Variants in HSD17B12 observed in about 807,000 individuals in gnomAD.
HSD17B12 encodes the protein hydroxysteroid 17-beta dehydrogenase 12, also known as very-long-chain 3-oxoacyl-CoA reductase.
In HSD17B12, 32 loss-of-function variants were observed where a neutral mutation model predicts 39.3. That is an observed-to-expected ratio of 0.81 (90% CI 0.61 to 1.09). The LOEUF (loss-of-function observed/expected upper bound fraction) is 1.09, where lower values mean the gene tolerates loss of function less well. Among genes scored for constraint, HSD17B12 ranks in the 50% least tolerant of loss-of-function variants. HSD17B12 has a pLI of 0.00. For missense variants in HSD17B12, 342 were observed against 382.9 expected (o/e 0.89, Z 0.89); for synonymous variants, 150 against 146.7 (o/e 1.02, Z -0.16).
In HSD17B12 at chr11:43,855,148, C is replaced by T. The variant is rs11555762; in HGVS notation, c.839C>T (p.Ser280Leu). The change falls in exon 11 of 11, where the codon TCG becomes TTG. Residue 280 changes from serine (S) to leucine (L), a missense_variant. Transcript: ENST00000278353. The part of the protein sequence containing the change: ...NGYLIHALMG[S>L]IISNLPSWIY... ...TCTCTCATTCTGTTTCCCTAGGGCT[C>T]GATAATCTCAAACCTGCCTTCTTGG... is the stretch of plus-strand genomic sequence containing the variant. 497,931 of 1,586,376 alleles carry T rather than the reference C, an allele frequency of 0.31. 80,947 individuals carry two copies. The highest frequency in any genetic ancestry group is 0.48 in the Admixed American group (28,011 of 58,774).
chr11:43,625,829 A>AC, the HSD17B12 span, among the ~76,000 whole-genome samples: 2 of 151,416 alleles, frequency 1.3e-5, no homozygotes, highest in Admixed American at 1.3e-4. Flanking sequence ...TTAAAACCCA[A>AC]CATGATTCTT....
chr11:43,697,395 T>C (rs757668585), intron 1 of HSD17B12, among the ~76,000 whole-genome samples: 1 of 152,218 alleles, frequency 6.6e-6, no homozygotes, highest in South Asian at 2.1e-4. Flanking sequence ...GGTAATAAGA[T>C]GTAATGTTTA....
At chr11:43,654,750 T>G in the HSD17B12 span, among the ~76,000 whole-genome samples, 1 of 152,204 alleles carries the variant, frequency 6.6e-6, no homozygotes, top group African/African-American at 2.4e-5. Context: ...GTTCCATTGG[T>G]TTATATCTCT....
chr11:43,734,357 G>T lies in HSD17B12; in HGVS notation c.161-16554G>T, dbSNP rs1369897882. ...GAGGGCCAGATCTGTGGTGGAAAAG[G>T]CTGAGCAGAGGAAAAAGGCGGCCAT... On this transcript the variant is annotated intron_variant, in intron 1 of 10. Transcript: ENST00000278353. The T allele has an allele frequency of 4.2e-6, 4 of 945,036 alleles. No individual in the cohort carries two copies. The African/African-American group carries it at 4.8e-5, about 11-fold the overall frequency. The allele number at this position is 945,036 out of a possible 1,614,324, so 58.5% of individuals were successfully genotyped here.
In HSD17B12 at chr11:43,837,288, T is replaced by C. The variant is rs147565529; in HGVS notation, c.537-1029T>C. ...CTTTTTTAAGCTAAAAAAATAGGTG[T>C]TGGGAAGTAAATTCAGACAAAGAAC... On this transcript the variant is annotated intron_variant, in intron 7 of 10. Transcript: ENST00000278353. 2.0e-5 allele frequency among the ~76,000 whole-genome samples: 3 copies of C among 152,074 alleles called. No individual in the cohort carries two copies. The South Asian group carries it at 6.2e-4, about 31-fold the overall frequency.
chr11:43,770,157 C>A (rs1362450648), intron 3 of HSD17B12, among the ~76,000 whole-genome samples: 1 of 152,188 alleles, frequency 6.6e-6, no homozygotes, highest in Non-Finnish European at 1.5e-5. Context: ...ATGTCTCAAA[C>A]AGTTACACTA....
upstream of HSD17B12, among the ~76,000 whole-genome samples, chr11:43,679,637 A>G (rs1033401223): frequency 6.6e-6 from 1 of 152,108 alleles, no homozygotes; most frequent in East Asian, 1.9e-4. Flanking sequence ...AGAAAGTAAA[A>G]TTTTCTATCC....
intron 1 of HSD17B12, chr11:43,733,974 C>T (rs1168456726): frequency 2.8e-6 from 2 of 713,304 alleles, no homozygotes; most frequent in Non-Finnish European, 5.2e-6. Flanking sequence ...TTCTCGACCA[C>T]GTAATGCTCC....
At chr11:43,734,010 T>C in intron 1 of HSD17B12, 3 of 733,524 alleles carry the variant, frequency 4.1e-6, no homozygotes, top group Non-Finnish European at 7.5e-6. Context: ...CAAAGATTTA[T>C]AGATTGTCAA....
the HSD17B12 span, among the ~76,000 whole-genome samples, chr11:43,557,675 G>A: frequency 3.9e-5 from 6 of 152,192 alleles, no homozygotes. Flanking sequence ...TGGTTGTGTA[G>A]AGGAAAACCG....
the HSD17B12 span, among the ~76,000 whole-genome samples, chr11:43,617,860 A>G: frequency 1.3e-5 from 2 of 152,326 alleles, no homozygotes; most frequent in East Asian, 3.9e-4. Flanking sequence ...ACCGTCTGCA[A>G]GGTTCGTGAT....
At chr11:43,726,664 C>A (rs576671824) in intron 1 of HSD17B12, among the ~76,000 whole-genome samples, 1 of 152,248 alleles carries the variant, frequency 6.6e-6, no homozygotes, top group Non-Finnish European at 1.5e-5. Context: ...AAGAATTTTC[C>A]AATTTCAACA....
chr11:43,640,693 C>G, the HSD17B12 span, among the ~76,000 whole-genome samples: 2 of 151,736 alleles, frequency 1.3e-5, no homozygotes, highest in Non-Finnish European at 2.9e-5. Context: ...AGTATTAAAA[C>G]TATTGAGTCA....
chr11:43,758,891 G>T (rs897491127), intron 3 of HSD17B12, among the ~76,000 whole-genome samples: 3 of 152,124 alleles, frequency 2.0e-5, no homozygotes, highest in African/African-American at 7.2e-5. Flanking sequence ...TTTCCTATTG[G>T]GAAGGGGCTT....
chr11:43,788,556 G>A (rs1043644776), intron 3 of HSD17B12, among the ~76,000 whole-genome samples: 9 of 151,846 alleles, frequency 5.9e-5, no homozygotes, highest in African/African-American at 1.9e-4. Context: ...TCCCACTGCT[G>A]TCTCTCTCTC....
chr11:43,581,805 C>G, the HSD17B12 span, among the ~76,000 whole-genome samples: 1 of 152,210 alleles, frequency 6.6e-6, no homozygotes, highest in Non-Finnish European at 1.5e-5. The surrounding 1 kb of genome is among the most constrained non-coding windows in gnomAD (Gnocchi z 4.9). Flanking sequence ...CCCGCCCACA[C>G]CACGAATAAC....
At chr11:43,660,849 G>A in the HSD17B12 span, among the ~76,000 whole-genome samples, 9 of 152,282 alleles carry the variant, frequency 5.9e-5, no homozygotes, top group South Asian at 1.9e-3. Context: ...GACTGGCCGG[G>A]TTCTCTGGCT....
At chr11:43,663,938 C>G in the HSD17B12 span, among the ~76,000 whole-genome samples, 1 of 152,042 alleles carries the variant, frequency 6.6e-6, no homozygotes, top group Admixed American at 6.6e-5. Context: ...TCTCAGCTCA[C>G]TGCAACCTCT....
the HSD17B12 span, among the ~76,000 whole-genome samples, chr11:43,671,789 G>T: frequency 6.6e-6 from 1 of 152,164 alleles, no homozygotes; most frequent in South Asian, 2.1e-4. Flanking sequence ...AAAAGAAAAA[G>T]AAATGGAAGA....
Sources: gnomAD v4.1 joint callset for allele counts (sites outside exome capture counted in the v4.1 genomes callset) on GRCh38, gnomAD v4.1.1 for gene constraint, Gnocchi (gnomAD v3.1) non-coding constraint, MANE v1.5 for transcripts, NCBI Gene and HGNC (gene_info 2026-07-23, HGNC 2026-07-21) for gene names.